Variants in NR5A2 observed in about 807,000 individuals in gnomAD.
NR5A2 encodes the protein CYP7A promoter-binding factor.
NR5A2 carries 26 observed loss-of-function variants against 62.7 expected under a neutral mutation model. The observed-to-expected ratio is 0.41, with a 90% CI of 0.30 to 0.58. The LOEUF (loss-of-function observed/expected upper bound fraction) is 0.58. Ranked by LOEUF, NR5A2 falls within the 20% of genes least tolerant of loss-of-function variation. The pLI is 0.22. For missense variants in NR5A2, 541 were observed against 669.1 expected (o/e 0.81, Z 2.11); for synonymous variants, 246 against 241.7 (o/e 1.02, Z -0.16).
chr1:200,067,612 C>G (rs1323514884), intron 5 of NR5A2, among the ~76,000 whole-genome samples: 2 of 152,098 alleles, frequency 1.3e-5, no homozygotes, highest in Admixed American at 6.6e-5. Context: ...GAACAACAGA[C>G]ACGAGTCTGC....
At position 200,048,714 on chromosome 1, in the gene NR5A2, C is replaced by G. The variant is rs777870204; in HGVS notation, c.1006C>G (p.His336Asp). Residue 336 changes from histidine (H) to aspartate (D), a missense_variant, in exon 5 of 8, where the codon CAC becomes GAC. Around this residue, in one of 3 missense-constraint regions of NR5A2, gnomAD observed 379 missense variants for 442.0 expected, o/e 0.86. Coordinates refer to ENST00000367362, the MANE Select transcript of NR5A2 (RefSeq NM_205860.3). The surrounding 1 kb of genome is among the most constrained non-coding windows in gnomAD (Gnocchi z 4.8). ...GCAAGAGCAGGCTAACCGAAGCAAG[C>G]ACGAAAAGCTGAGCACCTTTGGGCT... ...LQQEQANRSKHEKLSTFGLMC... is the reference protein window; with the variant it reads ...LQQEQANRSKDEKLSTFGLMC... 15 of 1,614,174 alleles carry G rather than the reference C, an allele frequency of 9.3e-6. No homozygotes were observed. In the South Asian group the frequency reaches 1.6e-4, roughly 18 times the overall value.
At chr1:200,113,565 A>ATACATGTACTTCTTTTATATCC (rs1356847333) in intron 6 of NR5A2, among the ~76,000 whole-genome samples, 1 of 152,240 alleles carries the variant, frequency 6.6e-6, no homozygotes, top group African/African-American at 2.4e-5. Context: ...GCAGGGTCAT[A>ATACATGTACTTCTTTTATATCC]TACATGTACT....
intron 7 of NR5A2, among the ~76,000 whole-genome samples, chr1:200,125,880 G>A (rs953119559): frequency 6.6e-6 from 1 of 152,104 alleles, no homozygotes; most frequent in Non-Finnish European, 1.5e-5. Flanking sequence ...ACAGGGTCCT[G>A]CTCTGTTGCC....
Position 200,048,030 on chromosome 1 carries a change from A to G in NR5A2, c.464-142A>G. The G allele has an allele frequency of 1.4e-6, 1 of 719,338 alleles. No homozygotes were observed. Among genetic ancestry groups the G allele is most frequent in the Admixed American group, 3.0e-5 (1 of 32,800 alleles). The allele number at this position is 719,338 out of a possible 1,614,324, so 44.6% of individuals were successfully genotyped here. A position where few individuals can be genotyped will look rare whatever the true frequency, so the allele number is the denominator to read the frequency against. ...AATAAAGAGGACATGGTTTTTTGGG[A>G]AATCTTTGTGGGCTATTGTAACGAA... On this transcript the variant is annotated intron_variant, in intron 4 of 7. Coordinates refer to ENST00000367362, the MANE Select transcript of NR5A2 (RefSeq NM_205860.3). This position sits in a 1 kb window ranked among gnomAD's most constrained non-coding sequence, Gnocchi z 4.8.
chr1:200,121,239 G>T (rs560695640), intron 7 of NR5A2, among the ~76,000 whole-genome samples: 1 of 152,236 alleles, frequency 6.6e-6, no homozygotes, highest in South Asian at 2.1e-4. Flanking sequence ...ACCAAATAAA[G>T]CTATGACAAA....
At chr1:200,129,831 G>A (rs1666884275) in intron 7 of NR5A2, among the ~76,000 whole-genome samples, 1 of 152,172 alleles carries the variant, frequency 6.6e-6, no homozygotes, top group Non-Finnish European at 1.5e-5. Context: ...AAAAAGAAAA[G>A]TTGTTCTGAC....
intron 7 of NR5A2, among the ~76,000 whole-genome samples, chr1:200,151,073 A>G (rs969452954): frequency 2.0e-5 from 3 of 152,180 alleles, no homozygotes; most frequent in African/African-American, 7.2e-5. Context: ...AGGCATTTCA[A>G]TTCTAGAAAG....
intron 5 of NR5A2, among the ~76,000 whole-genome samples, chr1:200,054,568 T>C (rs1662822294): frequency 6.6e-6 from 1 of 152,218 alleles, no homozygotes; most frequent in Non-Finnish European, 1.5e-5. Context: ...AAAAAAAATC[T>C]AAATTAATCC....
At chr1:200,129,805 T>C (rs1055002440) in intron 7 of NR5A2, among the ~76,000 whole-genome samples, 8 of 152,210 alleles carry the variant, frequency 5.3e-5, no homozygotes, top group Non-Finnish European at 7.3e-5. Flanking sequence ...TTGGCCATTG[T>C]GGGGTTGTCT....
Position 200,071,037 on chromosome 1 carries a change from C to T in NR5A2, c.1110+22219C>T, listed in dbSNP as rs141183785. 3.2e-3 allele frequency among the ~76,000 whole-genome samples: 489 copies of T among 152,186 alleles called. 5 individuals are homozygous for T. Among genetic ancestry groups the T allele is most frequent in the African/African-American group, 0.011 (464 of 41,520 alleles). On this transcript the variant is annotated intron_variant, in intron 5 of 7. Transcript: ENST00000367362. ...ACCTATTTTTCCAGATATATACGTC[C>T]TTTTACAAGTCGTCCTTTTTAGAGC...
At chr1:200,036,697 C>G (rs1661793182) in intron 1 of NR5A2, among the ~76,000 whole-genome samples, 1 of 152,144 alleles carries the variant, frequency 6.6e-6, no homozygotes, top group African/African-American at 2.4e-5. Context: ...AGGGCTGCCC[C>G]CAGGGAGCGT....
At chr1:200,101,473 A>G (rs1350551048) in intron 5 of NR5A2, among the ~76,000 whole-genome samples, 1 of 152,218 alleles carries the variant, frequency 6.6e-6, no homozygotes, top group Non-Finnish European at 1.5e-5. Context: ...TTGCAACTTC[A>G]TGAAAGAGTC....
chr1:200,119,784 G>A (rs750630204), intron 6 of NR5A2, among the ~76,000 whole-genome samples: 41 of 152,164 alleles, frequency 2.7e-4, no homozygotes, highest in Admixed American at 6.5e-4. Flanking sequence ...ATGCCACCAC[G>A]CCCAGCCAAT....
intron 7 of NR5A2, among the ~76,000 whole-genome samples, chr1:200,151,009 CTGT>C: frequency 6.6e-6 from 1 of 152,246 alleles, no homozygotes. Flanking sequence ...TTTTTCCTCC[CTGT>C]TGTTTGCTGT....
chr1:200,135,657 T>C (rs551931710), intron 7 of NR5A2, among the ~76,000 whole-genome samples: 2 of 152,180 alleles, frequency 1.3e-5, no homozygotes, highest in African/African-American at 4.8e-5. Flanking sequence ...AGATTCTTGT[T>C]CTATTGTATC....
At chr1:200,133,584 TACAC>T (rs1321727810) in intron 7 of NR5A2, among the ~76,000 whole-genome samples, 1 of 127,202 alleles carries the variant, frequency 7.9e-6, no homozygotes, top group African/African-American at 3.1e-5. Context: ...CACATATATA[TACAC>T]ATATATATAT....
chr1:200,039,912 C>A lies in NR5A2; in HGVS notation c.202+117C>A. ...CGGGAGTAGCCCCGCTGGGCGCTCG[C>A]AGCCGCGGGAGTCAAGCCCCCTCCC... On this transcript the variant is annotated intron_variant, in intron 2 of 7. Transcript: ENST00000367362. The surrounding 1 kb of genome is among the most constrained non-coding windows in gnomAD (Gnocchi z 5.1). 1.7e-6 allele frequency: 2 copies of A among 1,196,632 alleles called. No individual in the cohort carries two copies. The highest frequency in any genetic ancestry group is 3.3e-5 in the South Asian group (2 of 59,912). 74.1% of individuals were successfully genotyped at this position (1,196,632 alleles called of 1,614,324 possible).
chr1:200,068,698 T>C (rs192269099), intron 5 of NR5A2, among the ~76,000 whole-genome samples: 1 of 152,316 alleles, frequency 6.6e-6, no homozygotes, highest in East Asian at 1.9e-4. Flanking sequence ...CAAAAAGCCA[T>C]GGGATTTTCT....
At chr1:200,072,903 T>C (rs3828112) in intron 5 of NR5A2, among the ~76,000 whole-genome samples, 43,497 of 151,970 alleles carry the variant, frequency 0.29, 6,277 homozygotes, top group Middle Eastern at 0.37. Flanking sequence ...AGAGGGTTAA[T>C]TGATTTTTAG....
Sources: gnomAD v4.1 joint callset for allele counts (sites outside exome capture counted in the v4.1 genomes callset) on GRCh38, gnomAD v4.1.1 for gene constraint, gnomAD v4.1.1 regional missense constraint, Gnocchi (gnomAD v3.1) non-coding constraint, MANE v1.5 for transcripts, NCBI Gene and HGNC (gene_info 2026-07-23, HGNC 2026-07-21) for gene names.